The following VWA5B1 variants were observed in gnomAD, a reference collection of about 807,000 sequenced individuals.
VWA5B1 encodes the protein von Willebrand factor A domain-containing protein 5B1.
In VWA5B1, 115 loss-of-function variants were observed where a neutral mutation model predicts 118.2. The ratio of observed to expected loss-of-function variants is 0.97; its 90% CI spans 0.84 to 1.14. VWA5B1 has a LOEUF of 1.14. VWA5B1 is among the 50% of genes most tolerant of loss of function. VWA5B1 has a pLI of 0.00. For synonymous variants in VWA5B1, 682 were observed against 658.4 expected, an observed-to-expected ratio of 1.04 and a Z score of -0.55; for missense variants, 1,596 against 1,603.8, an observed-to-expected ratio of 1.00 and a Z score of 0.08.
In VWA5B1 at chr1:20,342,591, C is replaced by A; in HGVS notation, c.2293C>A (p.Arg765=). Residue 765 remains arginine (R), a synonymous_variant, in exon 15 of 22, where the codon CGA becomes AGA. Coordinates refer to ENST00000289815, the MANE Select transcript of VWA5B1 (RefSeq NM_001039500.3). ...SPVRERTSDS[R]SPGDLEPSHH... ...TGTGAGAGAGCGGACTTCTGACAGCCGAAGCCCTGGAGATCTGGGTAAGTG... is the reference window on the plus strand; with the variant it reads ...TGTGAGAGAGCGGACTTCTGACAGCAGAAGCCCTGGAGATCTGGGTAAGTG... 1 of 1,497,048 alleles carries A rather than the reference C, an allele frequency of 6.7e-7. No individual in the cohort carries two copies. The highest frequency in any genetic ancestry group is 1.3e-5 in the South Asian group (1 of 74,788). 92.7% of individuals were successfully genotyped at this position (1,497,048 alleles called of 1,614,324 possible). A position where few individuals can be genotyped will look rare whatever the true frequency, so the allele number is the denominator to read the frequency against.
chr1:20,322,316 G>T (rs898424201), intron 7 of VWA5B1, among the ~76,000 whole-genome samples: 9 of 152,166 alleles, frequency 5.9e-5, no homozygotes, highest in African/African-American at 1.7e-4. Context: ...TGTACACACA[G>T]AGACAGCCAG....
At chr1:20,345,715 A>C in intron 17 of VWA5B1, 122 bp downstream of exon 17, 1 of 1,354,312 alleles carries the variant, frequency 7.4e-7, no homozygotes, top group Admixed American at 3.3e-5. Flanking sequence ...AGGGCCTAGA[A>C]GCAGAAAGGC....
rs758998658 is a variant in VWA5B1 at position 20,310,619 on chromosome 1, T to C, written c.18T>C (p.Asn6=). The change falls in exon 2 of 22, where the codon AAT becomes AAC. Residue 6 remains asparagine (N), a synonymous_variant. Transcript: ENST00000289815. MPGLL[N]WITGAALPLT... The stretch of plus-strand genomic sequence containing the variant: ...CCAGCGGGATGCCCGGCTTGCTGAA[T>C]TGGATCACGGGGGCAGCCCTGCCCC... 6.5e-6 allele frequency: 10 copies of C among 1,543,230 alleles called. No individual in the cohort carries two copies. In the African/African-American group the frequency reaches 1.4e-4, roughly 21 times the overall value.
At chr1:20,345,373 AG>A (rs1205629721) in intron 16 of VWA5B1, 82 bp from the exon 17 acceptor site, 1 of 1,532,980 alleles carries the variant, frequency 6.5e-7, no homozygotes, top group African/African-American at 1.4e-5. Context: ...ACTTAGGTAG[AG>A]CCCCCTTTTT....
At chr1:20,320,926 C>G (rs777918623) in intron 7 of VWA5B1, among the ~76,000 whole-genome samples, 2 of 151,934 alleles carry the variant, frequency 1.3e-5, no homozygotes, top group Non-Finnish European at 2.9e-5. Flanking sequence ...AGCGGCTTCA[C>G]GTGGGAGAGA....
At chr1:20,343,660 A>AC (rs1328731718) in intron 16 of VWA5B1, among the ~76,000 whole-genome samples, 601 of 41,416 alleles carry the variant, frequency 0.015, 18 homozygotes, top group African/African-American at 0.055. Flanking sequence ...TGCCCCGCAC[A>AC]CCCCACCCCT....
At chr1:20,294,825 G>T (rs1202916555) in intron 1 of VWA5B1, among the ~76,000 whole-genome samples, 1 of 152,078 alleles carries the variant, frequency 6.6e-6, no homozygotes, top group African/African-American at 2.4e-5. Context: ...CCAGCCTCAG[G>T]TGATCTGCCC....
At chr1:20,298,499 T>C (rs2088448416) in intron 1 of VWA5B1, among the ~76,000 whole-genome samples, 1 of 152,086 alleles carries the variant, frequency 6.6e-6, no homozygotes, top group Non-Finnish European at 1.5e-5. Flanking sequence ...CACCTTCCCC[T>C]ACACAGGGCA....
At chr1:20,298,391 T>C (rs1290423085) in intron 1 of VWA5B1, among the ~76,000 whole-genome samples, 1 of 152,078 alleles carries the variant, frequency 6.6e-6, no homozygotes, top group Non-Finnish European at 1.5e-5. Flanking sequence ...ATCCTTTCCT[T>C]TGAATTCTTG....
Position 20,342,472 on chromosome 1 carries a change from A to G in VWA5B1, c.2174A>G (p.Lys725Arg), listed in dbSNP as rs1311644873. ...GGTCAGGACCTGAACCAGGGCCCCAAACTCCGTGGCCCAGGGGCCCGAAGG... is the reference window on the plus strand; with the variant it reads ...GGTCAGGACCTGAACCAGGGCCCCAGACTCCGTGGCCCAGGGGCCCGAAGG... ...NSGQDLNQGP[K>R]LRGPGARRPS... The change falls in exon 15 of 22, where the codon AAA (lysine) becomes AGA (arginine). Residue 725 changes from lysine to arginine, a missense_variant. Coordinates refer to ENST00000289815, the MANE Select transcript of VWA5B1 (RefSeq NM_001039500.3). The G allele has an allele frequency of 3.2e-6, 5 of 1,551,188 alleles. No individual in the cohort carries two copies. The highest frequency in any genetic ancestry group is 2.4e-5 in the East Asian group (1 of 40,882).
At chr1:20,323,272 C>A in intron 7 of VWA5B1, 84 bp from the exon 8 acceptor site, 1 of 1,271,390 alleles carries the variant, frequency 7.9e-7, no homozygotes, top group Non-Finnish European at 1.0e-6. Context: ...TGTGGGTGCA[C>A]GGTGAGTGAC....
At chr1:20,342,360 T>TTCC (rs943388300) in intron 14 of VWA5B1, 72 bp from the exon 15 acceptor site, 1 of 1,485,620 alleles carries the variant, frequency 6.7e-7, no homozygotes, top group Non-Finnish European at 9.1e-7. Context: ...CCAGGAGCTC[T>TTCC]TCCTCCTCCT....
chr1:20,310,963 A>G (rs1325533845), intron 2 of VWA5B1, among the ~76,000 whole-genome samples: 1 of 152,172 alleles, frequency 6.6e-6, no homozygotes, highest in African/African-American at 2.4e-5. Context: ...AGCCCCAGCC[A>G]ACTGTCCCTG....
chr1:20,335,178 G>A (rs571107274), intron 12 of VWA5B1, among the ~76,000 whole-genome samples: 1 of 152,218 alleles, frequency 6.6e-6, no homozygotes, highest in African/African-American at 2.4e-5. Flanking sequence ...AGCCAGACGT[G>A]GTGGCATATG....
chr1:20,332,479 C>CAAATAAAAT (rs2089587672), intron 11 of VWA5B1, among the ~76,000 whole-genome samples: 2 of 88,750 alleles, frequency 2.3e-5, no homozygotes, highest in Non-Finnish European at 4.7e-5. Context: ...GACTCTGTCT[C>CAAATAAAAT]AAAATAAAAT....
At chr1:20,311,375 G>A (rs1317260731) in intron 2 of VWA5B1, among the ~76,000 whole-genome samples, 1 of 152,218 alleles carries the variant, frequency 6.6e-6, no homozygotes, top group Admixed American at 6.5e-5. Context: ...CTCAGTCAAA[G>A]CCAGGAGCCT....
Position 20,353,865 on chromosome 1 carries a change from C to G in VWA5B1, c.3250C>G (p.Arg1084Gly). 1 of 1,542,520 alleles carries G rather than the reference C, an allele frequency of 6.5e-7. No individual in the cohort carries two copies. The highest frequency in any genetic ancestry group is 8.8e-7 in the Non-Finnish European group (1 of 1,142,260). Reference sequence around the variant, plus strand: ...GTGGACGTCCCCCTTCACCTGCCATCGAGTGTCCCTCACCACCCGCCCGTC... The same window carrying G: ...GTGGACGTCCCCCTTCACCTGCCATGGAGTGTCCCTCACCACCCGCCCGTC... Reference protein sequence around the residue: ...LKWTSPFTCHRVSLTTRPSES... With the variant: ...LKWTSPFTCHGVSLTTRPSES... The change falls in exon 22 of 22, where the codon CGA (arginine) becomes GGA (glycine). Residue 1084 changes from arginine to glycine, a missense_variant. Transcript: ENST00000289815.
At chr1:20,351,044 T>G (rs970527683) in intron 20 of VWA5B1, 118 bp downstream of exon 20, 1 of 1,009,220 alleles carries the variant, frequency 9.9e-7, no homozygotes, top group African/African-American at 1.6e-5. Context: ...TTTAGGCAGG[T>G]GTCGTAAAGA....
intron 4 of VWA5B1, among the ~76,000 whole-genome samples, chr1:20,316,028 GCAGGCAGAGTTAAGAGT>G (rs11268801): frequency 0.044 from 6,655 of 152,298 alleles, 201 homozygotes; most frequent in Middle Eastern, 0.088. Context: ...GCCCATTCCA[GCAGGCAGAGTTAAGAGT>G]GACACTCTTG....
Sources: allele counts gnomAD v4.1 joint callset (sites outside exome capture counted in the v4.1 genomes callset), GRCh38; gene constraint gnomAD v4.1.1; transcripts MANE v1.5; gene names NCBI Gene and HGNC (gene_info 2026-07-23, HGNC 2026-07-21).